The following DGKB variants were observed in gnomAD, a reference collection of about 807,000 sequenced individuals.
The protein encoded by DGKB is diacylglycerol kinase beta, also known as 90 kDa diacylglycerol kinase.
A neutral mutation model predicts 114.3 loss-of-function variants in DGKB; 67 were observed. The observed-to-expected ratio is 0.59, with a 90% CI of 0.48 to 0.72. The LOEUF (loss-of-function observed/expected upper bound fraction) is 0.72, where lower values mean the gene tolerates loss of function less well. Among genes scored for constraint, DGKB ranks in the 30% least tolerant of loss-of-function variants. DGKB has a pLI of 0.00. For synonymous variants in DGKB, 398 were observed against 323.1 expected (o/e 1.23, Z -2.49); for missense variants, 907 against 975.2 (o/e 0.93, Z 0.93).
At chr7:14,840,744 A>ACC (rs71548095) in intron 2 of DGKB, among the ~76,000 whole-genome samples, 21,346 of 115,860 alleles carry the variant, frequency 0.18, 2,180 homozygotes, top group Non-Finnish European at 0.23. Flanking sequence ...ACACACACAC[A>ACC]CCTCTCCCTT....
At chr7:14,223,040 T>C (rs1790247915) in intron 23 of DGKB, among the ~76,000 whole-genome samples, 1 of 151,612 alleles carries the variant, frequency 6.6e-6, no homozygotes, top group Admixed American at 6.6e-5. Context: ...CTAAAGTGTG[T>C]CCCCTGAAGA....
chr7:14,471,641 A>T (rs1781419079), intron 21 of DGKB, among the ~76,000 whole-genome samples: 1 of 151,818 alleles, frequency 6.6e-6, no homozygotes, highest in African/African-American at 2.4e-5. Flanking sequence ...TTATGTACGT[A>T]AAGGCTGAGA....
intron 1 of DGKB, among the ~76,000 whole-genome samples, chr7:14,910,767 T>C (rs1783963282): frequency 6.6e-6 from 1 of 152,146 alleles, no homozygotes; most frequent in African/African-American, 2.4e-5. Context: ...TTCTCCACTT[T>C]AAAGAGACAA....
chr7:14,757,767 G>T, intron 2 of DGKB, 36 bp from the exon 3 acceptor site: 2 of 1,219,364 alleles, frequency 1.6e-6, no homozygotes, highest in Non-Finnish European at 2.4e-6. Context: ...TTGTTTATAT[G>T]CACATACTGT....
At chr7:14,169,292 G>T (rs998966429) in intron 25 of DGKB, among the ~76,000 whole-genome samples, 2 of 150,464 alleles carry the variant, frequency 1.3e-5, no homozygotes, top group African/African-American at 4.9e-5. Context: ...GTGAACCCGG[G>T]AGGTGGAGAT....
At chr7:14,296,038 A>T (rs1369449745) in intron 23 of DGKB, among the ~76,000 whole-genome samples, 32 of 141,456 alleles carry the variant, frequency 2.3e-4, no homozygotes, top group African/African-American at 2.6e-4. Flanking sequence ...TCATGAACTC[A>T]TTTTTTTTTT....
intron 2 of DGKB, among the ~76,000 whole-genome samples, chr7:14,780,377 C>G (rs1337427799): frequency 6.6e-6 from 1 of 152,122 alleles, no homozygotes; most frequent in East Asian, 1.9e-4. Flanking sequence ...ATTTTGCCTA[C>G]TTTTTTATTC....
chr7:14,256,578 T>G (rs933690133), intron 23 of DGKB, among the ~76,000 whole-genome samples: 1 of 152,220 alleles, frequency 6.6e-6, no homozygotes, highest in African/African-American at 2.4e-5. Flanking sequence ...TGAAATGATC[T>G]GTTTTACATG....
chr7:14,405,489 T>C (rs992488005), intron 21 of DGKB, among the ~76,000 whole-genome samples: 1 of 152,076 alleles, frequency 6.6e-6, no homozygotes, highest in African/African-American at 2.4e-5. Context: ...TGAGATAGGC[T>C]TCTTAAAGGA....
chr7:14,487,966 C>T (rs952715763), intron 20 of DGKB, among the ~76,000 whole-genome samples: 5 of 152,202 alleles, frequency 3.3e-5, no homozygotes, highest in Admixed American at 6.5e-5. Flanking sequence ...TATTTCTCAT[C>T]TGCTGTAAAT....
chr7:14,953,878 G>A (rs1786345756), intron 1 of DGKB, among the ~76,000 whole-genome samples: 1 of 152,084 alleles, frequency 6.6e-6, no homozygotes, highest in African/African-American at 2.4e-5. Flanking sequence ...GAGCACCACT[G>A]GTTCTTAATG....
At chr7:14,376,210 G>A (rs17775555) in intron 21 of DGKB, among the ~76,000 whole-genome samples, 18,314 of 152,164 alleles carry the variant, frequency 0.12, 1,422 homozygotes, top group Middle Eastern at 0.2. Flanking sequence ...GACCTGGCCC[G>A]AGGCACCCAC....
At chr7:14,611,874 G>A (rs17168303) in intron 16 of DGKB, among the ~76,000 whole-genome samples, 8,209 of 151,398 alleles carry the variant, frequency 0.054, 472 homozygotes, top group East Asian at 0.33. Flanking sequence ...TCAATATTCT[G>A]TAATTTCCAA....
At chr7:14,923,022 C>A (rs930938743) in intron 1 of DGKB, among the ~76,000 whole-genome samples, 1 of 152,106 alleles carries the variant, frequency 6.6e-6, no homozygotes, top group Admixed American at 6.6e-5. Context: ...CCTCCTTTTC[C>A]ACCACAGCTT....
intron 21 of DGKB, among the ~76,000 whole-genome samples, chr7:14,419,599 A>G (rs1826345411): frequency 6.6e-6 from 1 of 151,446 alleles, no homozygotes; most frequent in South Asian, 2.1e-4. Context: ...TTGTGTTGAA[A>G]TGATTGAAGA....
chr7:14,649,984 A>G (rs1176004685), intron 13 of DGKB, among the ~76,000 whole-genome samples: 2 of 150,478 alleles, frequency 1.3e-5, no homozygotes, highest in Admixed American at 1.3e-4. Flanking sequence ...AGGAGCACCC[A>G]GATTCATAAA....
intron 2 of DGKB, among the ~76,000 whole-genome samples, chr7:14,817,429 T>C (rs1336866636): frequency 1.3e-5 from 2 of 152,184 alleles, no homozygotes; most frequent in African/African-American, 4.8e-5. Context: ...TGCTATGATA[T>C]TTTTTAAAAA....
At chr7:14,769,070 TAAGA>T (rs5882458) in intron 2 of DGKB, among the ~76,000 whole-genome samples, 14,380 of 84,010 alleles carry the variant, frequency 0.17, 1,169 homozygotes, top group Middle Eastern at 0.23. Flanking sequence ...TTTTTAAAGA[TAAGA>T]AAGAAAGAAA....
intron 2 of DGKB, among the ~76,000 whole-genome samples, chr7:14,811,559 CAT>C (rs1317545529): frequency 6.6e-6 from 1 of 152,114 alleles, no homozygotes; most frequent in African/African-American, 2.4e-5. Flanking sequence ...AAATTCTTTT[CAT>C]ATGATTTGTA....
Sources: gnomAD v4.1 joint callset for allele counts (sites outside exome capture counted in the v4.1 genomes callset) on GRCh38, gnomAD v4.1.1 for gene constraint, MANE v1.5 for transcripts, NCBI Gene and HGNC (gene_info 2026-07-23, HGNC 2026-07-21) for gene names.